TRIM62: variants seen among roughly 807,000 people sequenced by gnomAD.
TRIM62 encodes E3 ubiquitin-protein ligase TRIM62.
TRIM62 carries 39 observed loss-of-function variants against 44.2 expected under a neutral mutation model. The ratio of observed to expected loss-of-function variants is 0.88; its 90% CI spans 0.68 to 1.15. The LOEUF (loss-of-function observed/expected upper bound fraction) is 1.15. Among genes scored for constraint, TRIM62 ranks in the 50% most tolerant of loss-of-function variants. The pLI is 0.00. For missense variants in TRIM62, 544 were observed against 665.5 expected, an observed-to-expected ratio of 0.82 and a Z score of 2.01; for synonymous variants, 278 against 292.3, an observed-to-expected ratio of 0.95 and a Z score of 0.50.
rs1156565764 is a variant in TRIM62 at position 33,147,389 on chromosome 1, G to A, written c.1216C>T (p.Arg406Trp). Residue 406 changes from arginine to tryptophan, a missense_variant, in exon 5 of 5, where the codon CGG (arginine) becomes TGG (tryptophan). Transcript: ENST00000291416. The surrounding 1 kb of genome is among the most constrained non-coding windows in gnomAD (Gnocchi z 8.1). ...TCAAGCTTGTCCCGGACGTTAAGCCGCGTCCAGGGCTCCGTGCAGGCGCTG... is the reference window on the plus strand; with the variant it reads ...TCAAGCTTGTCCCGGACGTTAAGCCACGTCCAGGGCTCCGTGCAGGCGCTG... ...QYSACTEPWT[R>W]LNVRDKLDKV... 16 of 1,614,030 alleles carry A rather than the reference G, an allele frequency of 9.9e-6. No individual in the cohort carries two copies. The highest frequency in any genetic ancestry group is 2.7e-5 in the African/African-American group (2 of 74,918).
intron 1 of TRIM62, among the ~76,000 whole-genome samples, 166 bp downstream of exon 1, chr1:33,180,859 C>T (rs1373946162): frequency 2.0e-5 from 3 of 151,042 alleles, no homozygotes; most frequent in Non-Finnish European, 4.4e-5. Context: ...GGCCCCGCCC[C>T]TCCCTGCCCC....
In TRIM62 at chr1:33,146,625, C is replaced by T. The variant is rs1304428757; in HGVS notation, c.*552G>A. The T allele has an allele frequency of 6.1e-6, 1 of 164,160 alleles. No homozygotes were observed. The highest frequency in any genetic ancestry group is 2.4e-5 in the African/African-American group (1 of 41,550). The allele number at this position is 164,160 out of a possible 1,614,324, so 10.2% of individuals were successfully genotyped here. Reference sequence around the variant, plus strand: ...AGCAGATCAGTGGGAGAAGTAGGAACCATATAGTTCTTGGTGTGGGGGTGG... The same window carrying T: ...AGCAGATCAGTGGGAGAAGTAGGAATCATATAGTTCTTGGTGTGGGGGTGG... On this transcript the variant is annotated 3_prime_UTR_variant, in exon 5 of 5. Coordinates refer to ENST00000291416, the MANE Select transcript of TRIM62 (RefSeq NM_018207.3).
chr1:33,170,499 AC>A (rs1645365355), intron 1 of TRIM62, among the ~76,000 whole-genome samples: 1 of 151,746 alleles, frequency 6.6e-6, no homozygotes, highest in Non-Finnish European at 1.5e-5. Flanking sequence ...ACGGCCACAC[AC>A]CCCTGGCCTC....
chr1:33,158,307 T>G lies in TRIM62; in HGVS notation c.823A>C (p.Thr275Pro). 2 of 1,614,028 alleles carry G rather than the reference T, an allele frequency of 1.2e-6. No individual in the cohort carries two copies. The highest frequency in any genetic ancestry group is 1.7e-6 in the Non-Finnish European group (2 of 1,179,950). The change falls in exon 4 of 5, where the codon ACA becomes CCA. Residue 275 changes from threonine to proline, a missense_variant. Coordinates refer to ENST00000291416, the MANE Select transcript of TRIM62 (RefSeq NM_018207.3). ...TYEDFPTSKYTGPLQYTIWKS... is the reference protein window; with the variant it reads ...TYEDFPTSKYPGPLQYTIWKS... The stretch of plus-strand genomic sequence containing the variant: ...CAGATGGTGTACTGCAGGGGGCCTG[T>G]GTACTTGGAGGTCGGGAAGTCTTCA...
At chr1:33,180,967 G>GC in intron 1 of TRIM62, 58 bp downstream of exon 1, 1 of 372,300 alleles carries the variant, frequency 2.7e-6, no homozygotes, top group South Asian at 2.5e-5. Flanking sequence ...CCCACCCCCC[G>GC]CCCGGCCCCA....
At position 33,181,372 on chromosome 1, in the gene TRIM62, G is replaced by C. The variant is rs1194185614; in HGVS notation, c.61C>G (p.Pro21Ala). 2 of 1,600,150 alleles carry C rather than the reference G, an allele frequency of 1.2e-6. No homozygotes were observed. The highest frequency in any genetic ancestry group is 1.7e-6 in the Non-Finnish European group (2 of 1,176,088). ...TAATGCTCGCAGCCCAGGCTCACCGGGTCCTGGTAGATGCTCAGGCAGATG... is the reference window on the plus strand; with the variant it reads ...TAATGCTCGCAGCCCAGGCTCACCGCGTCCTGGTAGATGCTCAGGCAGATG... ...CSICLSIYQD[P>A]VSLGCEHYFC... The change falls in exon 1 of 5, where the codon CCG becomes GCG. Residue 21 changes from proline to alanine, a missense_variant. Physicochemically the swap from Pro to Ala is conservative, Grantham distance 27. Coordinates refer to ENST00000291416, the MANE Select transcript of TRIM62 (RefSeq NM_018207.3). The surrounding 1 kb of genome is among the most constrained non-coding windows in gnomAD (Gnocchi z 6.5).
intron 1 of TRIM62, among the ~76,000 whole-genome samples, chr1:33,174,930 CAT>C (rs1439750214): frequency 7.9e-5 from 9 of 114,564 alleles, no homozygotes; most frequent in South Asian, 6.2e-4. Context: ...CACACACACA[CAT>C]ACATATATGT....
rs370382801 is a variant in TRIM62 at position 33,159,933 on chromosome 1, C to T, written c.516G>A (p.Lys172=). The change falls in exon 3 of 5, where the codon AAG becomes AAA. Residue 172 remains lysine, a synonymous_variant. Coordinates refer to ENST00000291416, the MANE Select transcript of TRIM62 (RefSeq NM_018207.3). This position sits in a 1 kb window ranked among gnomAD's most constrained non-coding sequence, Gnocchi z 4.2. Reference sequence around the variant, plus strand: ...CCTCGCCGATAGTGGTCCGCAGGCTCTTGGTGGAAGACTGTGGGGGACAGT... The same window carrying T: ...CCTCGCCGATAGTGGTCCGCAGGCTTTTGGTGGAAGACTGTGGGGGACAGT... ...RQLAETKSST[K]SLRTTIGEAF... 1.9e-6 allele frequency: 3 copies of T among 1,604,212 alleles called. No homozygotes were observed. Among genetic ancestry groups the T allele is most frequent in the Non-Finnish European group, 2.5e-6 (3 of 1,179,686 alleles).
Position 33,167,551 on chromosome 1 carries a change from C to G in TRIM62, c.409-1985G>C, listed in dbSNP as rs1645339605. Among the ~76,000 whole-genome samples, 2 of 152,178 alleles carry G rather than the reference C, an allele frequency of 1.3e-5. No homozygotes were observed. Among genetic ancestry groups the G allele is most frequent in the African/African-American group, 4.8e-5 (2 of 41,440 alleles). On this transcript the variant is annotated intron_variant, in intron 1 of 4. Coordinates refer to ENST00000291416, the MANE Select transcript of TRIM62 (RefSeq NM_018207.3). This position sits in a 1 kb window ranked among gnomAD's most constrained non-coding sequence, Gnocchi z 4.2. ...TCCTCCAGGGTGGCTCCTACTGCTC[C>G]CTCTCCATATACCTCACACCCAGCA...
In TRIM62 at chr1:33,159,517, C is replaced by A. The variant is rs1645231051; in HGVS notation, c.761+171G>T. 6.6e-6 allele frequency among the ~76,000 whole-genome samples: 1 copy of A among 152,188 alleles called. No individual in the cohort carries two copies. Among genetic ancestry groups the A allele is most frequent in the African/African-American group, 2.4e-5 (1 of 41,450 alleles). ...CCTCTAGTTCAAGCCTCACTGGCTTCATACTCAAGGCTTCATGCTCCTACC... is the reference window on the plus strand; with the variant it reads ...CCTCTAGTTCAAGCCTCACTGGCTTAATACTCAAGGCTTCATGCTCCTACC... On this transcript the variant is annotated intron_variant, in intron 3 of 4. Coordinates refer to ENST00000291416, the MANE Select transcript of TRIM62 (RefSeq NM_018207.3). This position sits in a 1 kb window ranked among gnomAD's most constrained non-coding sequence, Gnocchi z 4.2.
At chr1:33,156,837 TC>T (rs1418210492) in intron 4 of TRIM62, among the ~76,000 whole-genome samples, 1 of 152,106 alleles carries the variant, frequency 6.6e-6, no homozygotes, top group Non-Finnish European at 1.5e-5. Flanking sequence ...AATTACTATC[TC>T]CCTCGTCTTC....
chr1:33,151,143 C>T (rs888314989), intron 4 of TRIM62, among the ~76,000 whole-genome samples: 21 of 152,076 alleles, frequency 1.4e-4, no homozygotes, highest in African/African-American at 3.9e-4. Context: ...CAAGGGGGCT[C>T]TCCGTGGGTC....
chr1:33,156,590 G>A (rs896133999), intron 4 of TRIM62, among the ~76,000 whole-genome samples: 1 of 152,084 alleles, frequency 6.6e-6, no homozygotes, highest in Non-Finnish European at 1.5e-5. Flanking sequence ...GGAGTGTTCC[G>A]GGGCTCCTGA....
At chr1:33,160,276 G>A (rs991246473) in intron 2 of TRIM62, among the ~76,000 whole-genome samples, 2 of 152,190 alleles carry the variant, frequency 1.3e-5, no homozygotes, top group African/African-American at 4.8e-5. Flanking sequence ...AGAAGAGAAA[G>A]GAGCTGGGGA....
At chr1:33,170,066 G>A (rs1024447021) in intron 1 of TRIM62, among the ~76,000 whole-genome samples, 3 of 152,116 alleles carry the variant, frequency 2.0e-5, no homozygotes, top group Non-Finnish European at 4.4e-5. Flanking sequence ...GCTCACACCT[G>A]TAATCCCAAC....
In TRIM62 at chr1:33,146,773, A is replaced by C. The variant is rs1002323314; in HGVS notation, c.*404T>G. 1.2e-4 allele frequency: 32 copies of C among 258,874 alleles called. No individual in the cohort carries two copies. Among genetic ancestry groups the C allele is most frequent in the South Asian group, 7.5e-4 (15 of 19,936 alleles). The allele number at this position is 258,874 out of a possible 1,614,324, so 16.0% of individuals were successfully genotyped here. On this transcript the variant is annotated 3_prime_UTR_variant, in exon 5 of 5. Transcript: ENST00000291416. The stretch of plus-strand genomic sequence containing the variant: ...AGGGGTAAGTCTTAGGCCATGGGAC[A>C]TAAGAGGGTGCTGTGTGTCTTTCGG...
chr1:33,162,448 G>A (rs1175092377), intron 2 of TRIM62, among the ~76,000 whole-genome samples: 3 of 152,292 alleles, frequency 2.0e-5, no homozygotes, highest in Middle Eastern at 3.4e-3. Context: ...TTAATACATT[G>A]TCCCACATTT....
chr1:33,149,730 T>C (rs1270032878), intron 4 of TRIM62, among the ~76,000 whole-genome samples: 1 of 152,222 alleles, frequency 6.6e-6, no homozygotes, highest in African/African-American at 2.4e-5. Context: ...GCTGGGATTA[T>C]AGGTGTGAGC....
chr1:33,149,077 C>T (rs886818038), intron 4 of TRIM62, among the ~76,000 whole-genome samples: 1 of 152,220 alleles, frequency 6.6e-6, no homozygotes, highest in African/African-American at 2.4e-5. Flanking sequence ...TCAAAAGGCC[C>T]ACCCTTTGGG....
Sources: gnomAD v4.1 joint callset for allele counts (sites outside exome capture counted in the v4.1 genomes callset) on GRCh38, gnomAD v4.1.1 for gene constraint, Gnocchi (gnomAD v3.1) non-coding constraint, MANE v1.5 for transcripts, NCBI Gene and HGNC (gene_info 2026-07-23, HGNC 2026-07-21) for gene names.